TANC2: variants seen among roughly 807,000 people sequenced by gnomAD.
TANC2 encodes tetratricopeptide repeat, ankyrin repeat and coiled-coil containing 2.
A neutral mutation model predicts 210.5 loss-of-function variants in TANC2; 26 were observed. The observed-to-expected ratio is 0.12, with a 90% CI of 0.09 to 0.17. The LOEUF (loss-of-function observed/expected upper bound fraction) is 0.17. TANC2 is among the 10% of genes least tolerant of loss of function. The pLI is 1.00. For missense variants in TANC2, 2,129 were observed against 2,608.9 expected (o/e 0.82, Z 4.01); for synonymous variants, 931 against 967.1 (o/e 0.96, Z 0.69).
intron 19 of TANC2, among the ~76,000 whole-genome samples, chr17:63,402,940 G>C (rs2048387468): frequency 6.6e-6 from 1 of 152,200 alleles, no homozygotes; most frequent in South Asian, 2.1e-4. Context: ...TAGTTGTGTT[G>C]TTCTGAGATG....
chr17:63,066,651 C>T (rs1359685392), intron 2 of TANC2, among the ~76,000 whole-genome samples: 1 of 152,102 alleles, frequency 6.6e-6, no homozygotes, highest in Non-Finnish European at 1.5e-5. Flanking sequence ...CAAGAATTCA[C>T]ATAAGCCAAA....
intron 1 of TANC2, among the ~76,000 whole-genome samples, chr17:62,984,100 C>A (rs562011000): frequency 6.6e-6 from 1 of 152,176 alleles, no homozygotes; most frequent in South Asian, 2.1e-4. Flanking sequence ...TGGTTCTGGA[C>A]TTTTCTTTGC....
intron 7 of TANC2, among the ~76,000 whole-genome samples, chr17:63,201,877 T>C (rs576312507): frequency 6.6e-6 from 1 of 152,318 alleles, no homozygotes; most frequent in Non-Finnish European, 1.5e-5. Flanking sequence ...TGTATTGTTA[T>C]GATTCAACAC....
At chr17:63,062,924 T>TA (rs1362063692) in intron 2 of TANC2, among the ~76,000 whole-genome samples, 2 of 152,188 alleles carry the variant, frequency 1.3e-5, no homozygotes, top group Admixed American at 1.3e-4. Context: ...TCTGGCTACT[T>TA]AGAGTTTAGA....
At chr17:63,221,276 A>T (rs1334671308) in intron 7 of TANC2, among the ~76,000 whole-genome samples, 1 of 151,920 alleles carries the variant, frequency 6.6e-6, no homozygotes, top group African/African-American at 2.4e-5. Context: ...ACTAAAAAAA[A>T]TAAAAAAATT....
chr17:63,041,151 T>A (rs896614746), intron 2 of TANC2, among the ~76,000 whole-genome samples: 1 of 152,078 alleles, frequency 6.6e-6, no homozygotes, highest in East Asian at 1.9e-4. Flanking sequence ...AAACTCCTTT[T>A]TTATAGCCAA....
chr17:63,010,901 A>C (rs2033838079), intron 2 of TANC2, among the ~76,000 whole-genome samples: 1 of 152,178 alleles, frequency 6.6e-6, no homozygotes, highest in African/African-American at 2.4e-5. Context: ...CCATGTGCTC[A>C]TCAACCCAGA....
intron 5 of TANC2, among the ~76,000 whole-genome samples, chr17:63,179,330 A>C (rs564531627): frequency 2.6e-5 from 4 of 152,214 alleles, no homozygotes; most frequent in Non-Finnish European, 4.4e-5. Context: ...TAGGCTCAAG[A>C]ACCAGATTGC....
Position 63,354,778 on chromosome 17 carries a change from T to C in TANC2, c.1975-5T>C. 6.4e-7 allele frequency: 1 copy of C among 1,551,258 alleles called. No homozygotes were observed. Among genetic ancestry groups the C allele is most frequent in the Non-Finnish European group, 8.7e-7 (1 of 1,154,178 alleles). On this transcript the variant is annotated splice_polypyrimidine_tract_variant and splice_region_variant and intron_variant, in intron 13 of 27. Transcript: ENST00000689528. ...CTGTCTCTTTCTCTCTCTCCATCTTTTTAGGAAATTACCAAGCTGCTGCCT... is the reference window on the plus strand; with the variant it reads ...CTGTCTCTTTCTCTCTCTCCATCTTCTTAGGAAATTACCAAGCTGCTGCCT...
intron 5 of TANC2, among the ~76,000 whole-genome samples, chr17:63,163,059 A>G (rs1444311756): frequency 6.6e-6 from 1 of 150,720 alleles, no homozygotes; most frequent in East Asian, 2.0e-4. Context: ...AGTTGAGGGT[A>G]TTTGCAAAGG....
At chr17:63,286,757 A>G (rs1300286794) in intron 9 of TANC2, among the ~76,000 whole-genome samples, 7 of 152,030 alleles carry the variant, frequency 4.6e-5, no homozygotes. Flanking sequence ...GTTATCTCAC[A>G]GTTCACTGAT....
At chr17:63,407,015 C>T (rs936559167) in intron 21 of TANC2, among the ~76,000 whole-genome samples, 2 of 152,184 alleles carry the variant, frequency 1.3e-5, no homozygotes, top group Non-Finnish European at 2.9e-5. Context: ...ACGCAAATGT[C>T]GGTAATTACA....
intron 2 of TANC2, among the ~76,000 whole-genome samples, chr17:63,061,816 A>T (rs917069985): frequency 2.0e-5 from 3 of 151,852 alleles, no homozygotes; most frequent in African/African-American, 7.3e-5. Flanking sequence ...TCTTCTCTTT[A>T]TTTGTTAAAA....
chr17:63,415,444 GAGA>G (rs1377038985), intron 25 of TANC2, 81 bp from the exon 26 acceptor site: 37 of 1,541,290 alleles, frequency 2.4e-5, no homozygotes, highest in Admixed American at 5.9e-5. Context: ...AACAGCTGCT[GAGA>G]AGAAGAAGGG....
chr17:63,270,372 A>G (rs899534227), intron 9 of TANC2, among the ~76,000 whole-genome samples: 11 of 152,156 alleles, frequency 7.2e-5, no homozygotes, highest in African/African-American at 2.7e-4. Context: ...TGTGATTATT[A>G]TATCCACAAT....
chr17:62,999,069 G>A (rs754265335), intron 1 of TANC2, among the ~76,000 whole-genome samples: 1 of 152,216 alleles, frequency 6.6e-6, no homozygotes, highest in Non-Finnish European at 1.5e-5. Context: ...AATCCCCAAT[G>A]CTGGAAGTGC....
At chr17:62,973,517 T>C (rs28607394) in intron 1 of TANC2, among the ~76,000 whole-genome samples, 1 of 152,162 alleles carries the variant, frequency 6.6e-6, no homozygotes, top group Non-Finnish European at 1.5e-5. Flanking sequence ...TCATCTCTTA[T>C]TGTGGAATTA....
At chr17:63,270,010 A>G (rs72845229) in intron 9 of TANC2, among the ~76,000 whole-genome samples, 1 of 152,260 alleles carries the variant, frequency 6.6e-6, no homozygotes, top group Non-Finnish European at 1.5e-5. Context: ...TGATGTTAGT[A>G]TTTCAGTTCC....
rs2048737065 is a variant in TANC2, at chr17:63,412,571, T to C, written c.3899-109T>C. On this transcript the variant is annotated intron_variant, in intron 23 of 27. Transcript: ENST00000689528. The surrounding 1 kb of genome is among the most constrained non-coding windows in gnomAD (Gnocchi z 4.2). ...GACGAGGGTTGGCTGATATGCTGGC[T>C]TTGTGCTGCCTGCCTCTCACTGCTG... 4 of 1,079,396 alleles carry C rather than the reference T, an allele frequency of 3.7e-6. No individual in the cohort carries two copies. The highest frequency in any genetic ancestry group is 5.4e-6 in the Non-Finnish European group (4 of 739,762). 66.9% of individuals were successfully genotyped at this position (1,079,396 alleles called of 1,614,324 possible).
Sources: allele counts gnomAD v4.1 joint callset (sites outside exome capture counted in the v4.1 genomes callset), GRCh38; gene constraint gnomAD v4.1.1; non-coding constraint Gnocchi (gnomAD v3.1); transcripts MANE v1.5; gene names NCBI Gene and HGNC (gene_info 2026-07-23, HGNC 2026-07-21).